The following COL28A1 variants were observed in gnomAD, a reference collection of about 807,000 sequenced individuals.
COL28A1 encodes the protein collagen type XXVIII alpha 1 chain.
Under a neutral mutation model 150.2 loss-of-function variants are expected in COL28A1, and 161 were observed. The observed-to-expected ratio is 1.07, with a 90% confidence interval of 0.94 to 1.22. COL28A1 has a LOEUF of 1.22. COL28A1 is among the 50% of genes most tolerant of loss of function. The probability of loss-of-function intolerance (pLI) is 0.00; values close to 1 mark genes in which losing one functional copy is unlikely to be tolerated. For missense variants in COL28A1, 1,617 were observed against 1,388.3 expected (o/e 1.16, Z -2.62); for synonymous variants, 552 against 469.7 (o/e 1.18, Z -2.26).
the COL28A1 span, among the ~76,000 whole-genome samples, chr7:7,341,493 C>T: frequency 6.6e-6 from 1 of 152,068 alleles, no homozygotes; most frequent in African/African-American, 2.4e-5. Flanking sequence ...CAGCCTCAGC[C>T]TCGAACTTCT....
intron 25 of COL28A1, among the ~76,000 whole-genome samples, chr7:7,426,530 T>C (rs1309702012): frequency 1.3e-5 from 2 of 152,310 alleles, no homozygotes; most frequent in South Asian, 2.1e-4. Flanking sequence ...AATAGGAAGA[T>C]AGTACCAACT....
At chr7:7,435,831 A>G (rs1191632368) in intron 23 of COL28A1, among the ~76,000 whole-genome samples, 1 of 152,148 alleles carries the variant, frequency 6.6e-6, no homozygotes, top group African/African-American at 2.4e-5. Flanking sequence ...TTGTCCTCAT[A>G]AACAGAGATA....
chr7:7,489,552 G>A, intron 12 of COL28A1, 95 bp from the exon 13 acceptor site: 1 of 769,674 alleles, frequency 1.3e-6, no homozygotes, highest in Non-Finnish European at 2.2e-6. Flanking sequence ...AGGATAAATA[G>A]CGAAATAGAC....
At chr7:7,515,356 C>T (rs1450147465) in intron 8 of COL28A1, among the ~76,000 whole-genome samples, 1 of 152,150 alleles carries the variant, frequency 6.6e-6, no homozygotes, top group African/African-American at 2.4e-5. Context: ...AAGCTCTACC[C>T]AATTGGCTGA....
intron 9 of COL28A1, among the ~76,000 whole-genome samples, chr7:7,508,797 C>G (rs1274993322): frequency 3.3e-5 from 5 of 151,878 alleles, no homozygotes; most frequent in Non-Finnish European, 7.4e-5. Context: ...TCCCTAGTTG[C>G]CCACACTGGT....
intron 27 of COL28A1, among the ~76,000 whole-genome samples, chr7:7,397,416 A>C (rs529482640): frequency 5.9e-5 from 9 of 152,274 alleles, no homozygotes; most frequent in Admixed American, 5.2e-4. Flanking sequence ...ATTTAAGGTA[A>C]TATGTACTAA....
In COL28A1 at chr7:7,373,158, TGTCA is replaced by T. The variant is rs1781326399; in HGVS notation, c.2744_2747del (p.Leu915GlnfsTer4). The T allele has an allele frequency of 6.8e-6, 11 of 1,614,120 alleles. No homozygotes were observed. In the South Asian group the frequency reaches 1.1e-4, roughly 16 times the overall value. ...TGTCACTGGCATTCTTCACCACCTC[TGTCA>T]GTTTCTCTTTATCACGAGAATCTGT... On this transcript the variant is annotated frameshift_variant, in exon 32 of 35. Coordinates refer to ENST00000399429, the MANE Select transcript of COL28A1 (RefSeq NM_001037763.3). LOFTEE classifies it high-confidence loss of function. This position sits in a 1 kb window ranked among gnomAD's most constrained non-coding sequence, Gnocchi z 4.1.
At position 7,477,694 on chromosome 7, in the gene COL28A1, T is replaced by G. The variant is rs551005022; in HGVS notation, c.1165-514A>C. On this transcript the variant is annotated intron_variant, in intron 13 of 34. Coordinates refer to ENST00000399429, the MANE Select transcript of COL28A1 (RefSeq NM_001037763.3). The stretch of plus-strand genomic sequence containing the variant: ...TTCGCAGTGAATGTTACAGCTCATA[T>G]AGGCAGTGTGGACCCAAACAGTTAA... Among the ~76,000 whole-genome samples, 50 of 152,288 alleles carry G rather than the reference T, an allele frequency of 3.3e-4. 1 individual carries two copies. The South Asian group carries it at 8.7e-3, about 27-fold the overall frequency.
At chr7:7,526,191 C>T (rs1782014890) in intron 3 of COL28A1, among the ~76,000 whole-genome samples, 1 of 152,234 alleles carries the variant, frequency 6.6e-6, no homozygotes, top group African/African-American at 2.4e-5. Flanking sequence ...GTTATCCTGA[C>T]ATCCTTTCTA....
At chr7:7,365,458 C>T (rs1361754079) in intron 33 of COL28A1, among the ~76,000 whole-genome samples, 2 of 152,050 alleles carry the variant, frequency 1.3e-5, no homozygotes, top group Non-Finnish European at 2.9e-5. Context: ...GACAAGCAGA[C>T]GTGTTATCAC....
At position 7,387,033 on chromosome 7, in the gene COL28A1, C is replaced by A. The variant is rs532119924; in HGVS notation, c.2137-5421G>T. Among the ~76,000 whole-genome samples, 31 of 152,270 alleles carry A rather than the reference C, an allele frequency of 2.0e-4. No homozygotes were observed. The South Asian group carries it at 4.1e-3, about 20-fold the overall frequency. ...GGGCCTCCTTTATAAGGGTGCTAAT[C>A]CCATTCCTGAGGACAGAGGTGACCT... is the stretch of plus-strand genomic sequence containing the variant. On this transcript the variant is annotated intron_variant, in intron 27 of 34. Coordinates refer to ENST00000399429, the MANE Select transcript of COL28A1 (RefSeq NM_001037763.3).
At chr7:7,540,627 G>A (rs984850780), upstream of COL28A1, among the ~76,000 whole-genome samples, 3 of 152,148 alleles carry the variant, frequency 2.0e-5, no homozygotes, top group Admixed American at 6.6e-5. Flanking sequence ...AGGCCTTTGC[G>A]CTATCCAGGC....
intron 29 of COL28A1, 43 bp from the exon 30 acceptor site, chr7:7,380,738 C>G: frequency 6.2e-7 from 1 of 1,612,758 alleles, no homozygotes; most frequent in South Asian, 1.1e-5. Flanking sequence ...AGGTTGGAAC[C>G]AGTTAGAGTA....
chr7:7,477,161 C>G lies in COL28A1; in HGVS notation c.1184G>C (p.Gly395Ala), dbSNP rs1788961033. Residue 395 changes from glycine (G) to alanine (A), a missense_variant, in exon 14 of 35, where the codon GGA (glycine) becomes GCA (alanine). Physicochemically the swap from Gly to Ala is moderately conservative, Grantham distance 60. Transcript: ENST00000399429. ...GGGTAAGCCCCTCTCTCCTGGTACT[C>G]CCTCAGGACCACGGGGACCCTGGTT... ...PGQPGPRGPE[G>A]VPGERGLPGE... 2 of 1,309,326 alleles carry G rather than the reference C, an allele frequency of 1.5e-6. No homozygotes were observed. Among genetic ancestry groups the G allele is most frequent in the African/African-American group, 1.4e-5 (1 of 69,340 alleles). The allele number at this position is 1,309,326 out of a possible 1,614,324, so 81.1% of individuals were successfully genotyped here.
rs115211979 is a variant in COL28A1 at position 7,419,923 on chromosome 7, G to T, written c.2029C>A (p.Pro677Thr). 6.2e-3 allele frequency: 9,879 copies of T among 1,602,284 alleles called. 256 individuals are homozygous for T. In the African/African-American group the frequency reaches 0.07, roughly 11 times the overall value. The change falls in exon 26 of 35, where the codon CCT (proline) becomes ACT (threonine). Residue 677 changes from proline (P) to threonine (T), a missense_variant. Pro to Thr is a conservative substitution (Grantham distance 38). Coordinates refer to ENST00000399429, the MANE Select transcript of COL28A1 (RefSeq NM_001037763.3). Reference sequence around the variant, plus strand: ...GTTCCTACGCCCCGAGGCCCAGAAGGACCTGGAGGGCCTCTGACCCCAGGC... The same window carrying T: ...GTTCCTACGCCCCGAGGCCCAGAAGTACCTGGAGGGCCTCTGACCCCAGGC... ...GEPGVRGPPG[P>T]SGPRGVGTQG...
rs1782373081 is a variant in COL28A1 at position 7,531,739 on chromosome 7, T to C, written c.290A>G (p.Gln97Arg). The stretch of plus-strand genomic sequence containing the variant: ...ATCAATTTGGACAGAGCTGCTAAAC[T>C]GAAGGGCTGCCAGTTTGATGTCATA... ...LEYDIKLAAL[Q>R]FSSSVQIDPP... Residue 97 changes from glutamine to arginine, a missense_variant, in exon 3 of 35, where the codon CAG (glutamine) becomes CGG (arginine). Gln to Arg is a conservative substitution (Grantham distance 43). Coordinates refer to ENST00000399429, the MANE Select transcript of COL28A1 (RefSeq NM_001037763.3). 1 of 1,610,020 alleles carries C rather than the reference T, an allele frequency of 6.2e-7. No individual in the cohort carries two copies. Among genetic ancestry groups the C allele is most frequent in the Non-Finnish European group, 8.5e-7 (1 of 1,176,374 alleles).
At chr7:7,464,788 G>T (rs1417937074) in intron 15 of COL28A1, among the ~76,000 whole-genome samples, 3 of 152,108 alleles carry the variant, frequency 2.0e-5, no homozygotes, top group Non-Finnish European at 4.4e-5. Context: ...CCCAAACTCA[G>T]CAGAAAGGAA....
intron 25 of COL28A1, among the ~76,000 whole-genome samples, chr7:7,423,069 G>A (rs554485259): frequency 2.6e-5 from 4 of 152,304 alleles, no homozygotes; most frequent in African/African-American, 9.6e-5. Flanking sequence ...CTGGATATTT[G>A]CTATATTAAG....
At chr7:7,489,997 T>C (rs902307696) in intron 12 of COL28A1, among the ~76,000 whole-genome samples, 4 of 152,252 alleles carry the variant, frequency 2.6e-5, no homozygotes, top group Admixed American at 2.0e-4. Flanking sequence ...GTACACTGTT[T>C]TGTACTGCTT....
Sources: allele counts gnomAD v4.1 joint callset (sites outside exome capture counted in the v4.1 genomes callset), GRCh38; gene constraint gnomAD v4.1.1; non-coding constraint Gnocchi (gnomAD v3.1); transcripts MANE v1.5; gene names NCBI Gene and HGNC (gene_info 2026-07-23, HGNC 2026-07-21).